Variants in PLD3 observed in about 807,000 individuals in gnomAD.
PLD3 encodes the protein 5'-3' exonuclease PLD3.
Under a neutral mutation model 58.4 loss-of-function variants are expected in PLD3, and 31 were observed. That is an observed-to-expected ratio of 0.53 (90% CI 0.40 to 0.72). PLD3 has a LOEUF of 0.72. PLD3 is among the 30% of genes least tolerant of loss of function. PLD3 has a pLI of 0.00. For synonymous variants in PLD3, 264 were observed against 273.4 expected (o/e 0.97, Z 0.34); for missense variants, 595 against 659.8 (o/e 0.90, Z 1.08).
At chr19:40,363,251 A>C (rs187493711) in intron 1 of PLD3, among the ~76,000 whole-genome samples, 49 of 152,296 alleles carry the variant, frequency 3.2e-4, no homozygotes, top group African/African-American at 9.1e-4. Flanking sequence ...TGTCTCACCA[A>C]GGCCTTCAAA....
rs2079025595 is a variant in PLD3, at chr19:40,369,965, A to T, written c.487A>T (p.Ile163Phe). The change falls in exon 7 of 13, where the codon ATC becomes TTC. Residue 163 changes from isoleucine to phenylalanine, a missense_variant. Ile to Phe is a conservative substitution (Grantham distance 21, BLOSUM62 0). Coordinates refer to ENST00000409735, the MANE Select transcript of PLD3 (RefSeq NM_012268.4). ...GGCACCAAAGGGCGTGAACGTCCGC[A>T]TCGCTGTGAGCAAGCCCAGCGGGCC... ...TLAPKGVNVRIAVSKPSGPQP... is the reference protein window; with the variant it reads ...TLAPKGVNVRFAVSKPSGPQP... The T allele has an allele frequency of 6.4e-7, 1 of 1,561,680 alleles. No homozygotes were observed. Among genetic ancestry groups the T allele is most frequent in the Non-Finnish European group, 8.7e-7 (1 of 1,153,994 alleles).
chr19:40,375,717 G>A (rs2079181273), intron 10 of PLD3, among the ~76,000 whole-genome samples: 2 of 151,848 alleles, frequency 1.3e-5, no homozygotes, highest in African/African-American at 4.8e-5. Flanking sequence ...ACATCCAGGT[G>A]GATGATGGCA....
intron 1 of PLD3, among the ~76,000 whole-genome samples, chr19:40,364,341 G>A (rs1322905317): frequency 1.3e-5 from 2 of 150,912 alleles, no homozygotes; most frequent in East Asian, 2.0e-4. Flanking sequence ...GCAAAAGAGC[G>A]AAACTCCGTC....
chr19:40,374,767 C>CTGT, intron 10 of PLD3, 147 bp downstream of exon 10: 2 of 807,666 alleles, frequency 2.5e-6, no homozygotes, highest in Non-Finnish European at 3.9e-6. Context: ...CAGGAGGTGA[C>CTGT]CGGAAGAAGG....
intron 1 of PLD3, chr19:40,355,760 G>C (rs553409295): frequency 6.6e-6 from 1 of 151,794 alleles, no homozygotes; most frequent in Admixed American, 6.6e-5. Flanking sequence ...TATGCTCCAT[G>C]GTACTGGGGA....
Position 40,376,659 on chromosome 19 carries a change from G to A in PLD3, c.1070G>A (p.Gly357Asp). ...DGLRRATYER[G>D]VKVRLLISCW... ...CTGCGGCGGGCCACCTACGAGCGTG[G>A]CGTCAAGGTGCGCCTGCTCATCAGC... is the stretch of plus-strand genomic sequence containing the variant. Residue 357 changes from glycine (G) to aspartate (D), a missense_variant, in exon 11 of 13, where the codon GGC (glycine) becomes GAC (aspartate). Gly to Asp is a moderately conservative substitution (Grantham distance 94). Transcript: ENST00000409735. The A allele has an allele frequency of 1.2e-6, 2 of 1,607,158 alleles. No homozygotes were observed. The highest frequency in any genetic ancestry group is 1.7e-6 in the Non-Finnish European group (2 of 1,179,992).
intron 5 of PLD3, 81 bp downstream of exon 5, chr19:40,366,996 A>C (rs2145686328): frequency 6.9e-7 from 1 of 1,452,818 alleles, no homozygotes; most frequent in East Asian, 2.3e-5. Flanking sequence ...CAGGGCCTGC[A>C]CTCAGCCCTA....
intron 12 of PLD3, 23 bp from the exon 13 acceptor site, chr19:40,377,963 A>C: frequency 7.4e-6 from 12 of 1,612,658 alleles, no homozygotes; most frequent in Non-Finnish European, 9.3e-6. Flanking sequence ...GGGTGCCCTT[A>C]TGCTCCACCC....
intron 9 of PLD3, among the ~76,000 whole-genome samples, chr19:40,373,698 G>A (rs2079122153): frequency 6.6e-6 from 1 of 151,766 alleles, no homozygotes; most frequent in African/African-American, 2.4e-5. Flanking sequence ...GGAAGAAAGT[G>A]ACTCGAGGCT....
chr19:40,360,930 C>T (rs867707449), intron 1 of PLD3, among the ~76,000 whole-genome samples: 4 of 152,132 alleles, frequency 2.6e-5, no homozygotes, highest in Admixed American at 6.5e-5. Flanking sequence ...ACGTAAGTTC[C>T]GGGGATTATG....
At chr19:40,362,971 C>T (rs1367912862) in intron 1 of PLD3, among the ~76,000 whole-genome samples, 1 of 151,780 alleles carries the variant, frequency 6.6e-6, no homozygotes, top group African/African-American at 2.4e-5. Context: ...TGCTATGTTG[C>T]CAAGGCTAGT....
chr19:40,359,490 A>C (rs1362109491), intron 1 of PLD3: 4 of 152,252 alleles, frequency 2.6e-5, no homozygotes, highest in Admixed American at 6.6e-5. Context: ...GAACTCCAGC[A>C]TCCGGCTGCC....
In PLD3 at chr19:40,358,043, G is replaced by C. The variant is rs1358768961; in HGVS notation, c.-278-7675G>C. On this transcript the variant is annotated intron_variant, in intron 1 of 12. Coordinates refer to ENST00000409735, the MANE Select transcript of PLD3 (RefSeq NM_012268.4). ...TGAGACCCACCCCCTTAACCATTCAGAGATCCCCCAGCCACCACCCTCCAG... is the reference window on the plus strand; with the variant it reads ...TGAGACCCACCCCCTTAACCATTCACAGATCCCCCAGCCACCACCCTCCAG... 6 of 152,326 alleles carry C rather than the reference G, an allele frequency of 3.9e-5. No individual in the cohort carries two copies. In the East Asian group the frequency reaches 9.7e-4, roughly 25 times the overall value. The allele number at this position is 152,326 out of a possible 1,614,324, so 9.4% of individuals were successfully genotyped here. A position where few individuals can be genotyped will look rare whatever the true frequency, so the allele number is the denominator to read the frequency against.
chr19:40,361,402 C>T (rs550676220), intron 1 of PLD3, among the ~76,000 whole-genome samples: 2 of 152,278 alleles, frequency 1.3e-5, no homozygotes, highest in South Asian at 2.1e-4. Context: ...TGAGCCATCA[C>T]GCCCAGTGGA....
intron 1 of PLD3, among the ~76,000 whole-genome samples, chr19:40,362,618 T>G (rs2078815032): frequency 6.6e-6 from 1 of 152,070 alleles, no homozygotes; most frequent in Non-Finnish European, 1.5e-5. Context: ...TTTCATTTGT[T>G]GTAGAGATTA....
Position 40,366,779 on chromosome 19 carries a change from C to T in PLD3, c.109C>T (p.Arg37Cys), listed in dbSNP as rs745358823. ...EAWKAAEKKARWVLLVLILAV... is the reference protein window; with the variant it reads ...EAWKAAEKKACWVLLVLILAV... The stretch of plus-strand genomic sequence containing the variant: ...CACCTCCTCCTCCCCACAGAAAGCC[C>T]GCTGGGTCCTGCTGGTCCTCATTCT... The change falls in exon 5 of 13, where the codon CGC (arginine) becomes TGC (cysteine). Residue 37 changes from arginine to cysteine, a missense_variant. Physicochemically the swap from Arg to Cys is radical, Grantham distance 180. Transcript: ENST00000409735. 3.7e-6 allele frequency: 6 copies of T among 1,613,796 alleles called. No individual in the cohort carries two copies. The highest frequency in any genetic ancestry group is 1.3e-5 in the African/African-American group (1 of 74,900).
chr19:40,375,650 A>C (rs1369290572), intron 10 of PLD3, among the ~76,000 whole-genome samples: 1 of 62,268 alleles, frequency 1.6e-5, no homozygotes, highest in Non-Finnish European at 4.4e-5. Context: ...ACACCTTCTC[A>C]AAAAAAAAAA....
At chr19:40,365,962 G>A in intron 2 of PLD3, 32 bp downstream of exon 2, 1 of 156,504 alleles carries the variant, frequency 6.4e-6, no homozygotes. Context: ...GGGGGGATGG[G>A]CAGCGGGGTG....
Position 40,369,968 on chromosome 19 carries a change from G to C in PLD3, c.490G>C (p.Ala164Pro). The change falls in exon 7 of 13, where the codon GCT becomes CCT. Residue 164 changes from alanine (A) to proline (P), a missense_variant. Coordinates refer to ENST00000409735, the MANE Select transcript of PLD3 (RefSeq NM_012268.4). Reference sequence around the variant, plus strand: ...ACCAAAGGGCGTGAACGTCCGCATCGCTGTGAGCAAGCCCAGCGGGCCCCA... The same window carrying C: ...ACCAAAGGGCGTGAACGTCCGCATCCCTGTGAGCAAGCCCAGCGGGCCCCA... ...LAPKGVNVRI[A>P]VSKPSGPQPQ... 6.4e-7 allele frequency: 1 copy of C among 1,561,566 alleles called. No individual in the cohort carries two copies. Among genetic ancestry groups the C allele is most frequent in the Non-Finnish European group, 8.7e-7 (1 of 1,153,884 alleles).
Sources: gnomAD v4.1 joint callset for allele counts (sites outside exome capture counted in the v4.1 genomes callset) on GRCh38, gnomAD v4.1.1 for gene constraint, MANE v1.5 for transcripts, NCBI Gene and HGNC (gene_info 2026-07-23, HGNC 2026-07-21) for gene names.